The following KCNIP1 variants were observed in gnomAD, a reference collection of about 807,000 sequenced individuals.
KCNIP1 encodes A-type potassium channel modulatory protein KCNIP1.
In KCNIP1, 18 loss-of-function variants were observed where a neutral mutation model predicts 33.0. The ratio of observed to expected loss-of-function variants is 0.55; its 90% CI spans 0.38 to 0.81. The LOEUF (loss-of-function observed/expected upper bound fraction) is 0.81. Among genes scored for constraint, KCNIP1 ranks in the 30% least tolerant of loss-of-function variants. The pLI is 0.00. For synonymous variants in KCNIP1, 93 were observed against 98.3 expected (o/e 0.95, Z 0.32); for missense variants, 238 against 271.6 (o/e 0.88, Z 0.87).
chr5:170,461,271 A>T (rs534752544), intron 1 of KCNIP1, among the ~76,000 whole-genome samples: 2 of 152,290 alleles, frequency 1.3e-5, no homozygotes, highest in East Asian at 3.9e-4. Flanking sequence ...ATTCCATCAA[A>T]ATACTACTAT....
chr5:170,490,419 G>GTGGTGTT (rs1303595109), intron 1 of KCNIP1, among the ~76,000 whole-genome samples: 2 of 152,198 alleles, frequency 1.3e-5, no homozygotes. Context: ...TATCTTGACT[G>GTGGTGTT]TGGTGTTTAC....
intron 1 of KCNIP1, among the ~76,000 whole-genome samples, chr5:170,701,368 G>A (rs562865861): frequency 6.0e-4 from 91 of 152,316 alleles, no homozygotes; most frequent in African/African-American, 2.0e-3. Flanking sequence ...ATCTCACAGT[G>A]AGAAATTCAG....
chr5:170,462,574 AT>A (rs1417823771), intron 1 of KCNIP1, among the ~76,000 whole-genome samples: 1 of 152,198 alleles, frequency 6.6e-6, no homozygotes, highest in Admixed American at 6.5e-5. Flanking sequence ...CAGTGTGGAG[AT>A]TCCTTAAAGT....
At chr5:170,586,397 G>A (rs1270176932) in intron 1 of KCNIP1, among the ~76,000 whole-genome samples, 1 of 152,164 alleles carries the variant, frequency 6.6e-6, no homozygotes, top group Admixed American at 6.5e-5. Context: ...CAGAGGAGGG[G>A]GAGAAGATTA....
Position 170,538,278 on chromosome 5 carries a change from C to T in KCNIP1, c.61+33645C>T, listed in dbSNP as rs149061914. ...ACAACTGCTCTGAGGCACATGCCAT[C>T]GGAAAGCTGGGCTAATAATTAAACA... is the stretch of plus-strand genomic sequence containing the variant. On this transcript the variant is annotated intron_variant, in intron 1 of 7. Coordinates refer to ENST00000328939, the MANE Select transcript of KCNIP1 (RefSeq NM_014592.4). 5.9e-3 allele frequency among the ~76,000 whole-genome samples: 901 copies of T among 152,292 alleles called. 13 individuals carry two copies. The highest frequency in any genetic ancestry group is 0.02 in the African/African-American group (838 of 41,542).
intron 1 of KCNIP1, chr5:170,680,404 T>C (rs1423868395): frequency 6.6e-6 from 1 of 152,274 alleles, no homozygotes; most frequent in Non-Finnish European, 1.5e-5. Context: ...GCTCACTCAG[T>C]GCTGCCCAGT....
chr5:170,400,137 C>T (rs933971997), intron 1 of KCNIP1, among the ~76,000 whole-genome samples: 4 of 152,166 alleles, frequency 2.6e-5, no homozygotes, highest in African/African-American at 9.7e-5. Flanking sequence ...AGCCAGGAGT[C>T]CATGCTTCCT....
chr5:170,358,649 T>C (rs1201791969), intron 1 of KCNIP1, among the ~76,000 whole-genome samples: 2 of 152,202 alleles, frequency 1.3e-5, no homozygotes. Context: ...GAGTAAGAGA[T>C]ATCAGCTCAC....
chr5:170,413,078 T>C (rs1446827270), intron 1 of KCNIP1, among the ~76,000 whole-genome samples: 2 of 152,086 alleles, frequency 1.3e-5, no homozygotes, highest in Non-Finnish European at 1.5e-5. Context: ...TGAAGATCTG[T>C]TGAATGAGTG....
At chr5:170,575,359 T>A (rs1581346952) in intron 1 of KCNIP1, among the ~76,000 whole-genome samples, 1 of 152,230 alleles carries the variant, frequency 6.6e-6, no homozygotes, top group Non-Finnish European at 1.5e-5. Context: ...GTTACTTAAG[T>A]TTAAGCAGGA....
At chr5:170,429,478 T>G (rs1021225303) in intron 1 of KCNIP1, among the ~76,000 whole-genome samples, 4 of 152,192 alleles carry the variant, frequency 2.6e-5, no homozygotes, top group Admixed American at 2.6e-4. Flanking sequence ...ATTCTTGTTG[T>G]ACAAATTTAT....
At chr5:170,595,061 A>T (rs1758397210) in intron 1 of KCNIP1, among the ~76,000 whole-genome samples, 1 of 152,156 alleles carries the variant, frequency 6.6e-6, no homozygotes, top group Non-Finnish European at 1.5e-5. Flanking sequence ...TGTGGCAGGT[A>T]TAAGAGTCAA....
intron 1 of KCNIP1, among the ~76,000 whole-genome samples, chr5:170,362,198 C>T (rs562922675): frequency 7.9e-5 from 12 of 152,254 alleles, no homozygotes; most frequent in African/African-American, 2.2e-4. Context: ...GAGCTTCAGA[C>T]GGGGGACCGG....
rs758040560 is a variant in KCNIP1, at chr5:170,385,285, G to A, written c.88+31321G>A. 23 of 1,613,618 alleles carry A rather than the reference G, an allele frequency of 1.4e-5. No individual in the cohort carries two copies. The South Asian group carries it at 2.4e-4, about 17-fold the overall frequency. On this transcript the variant is annotated intron_variant, in intron 1 of 7. Coordinates refer to the KCNIP1 transcript ENST00000377360. ...TGCCAGACCCTTAGGAGAGGGTTGG[G>A]GGGTGGGCAGGCCGGGAGAGCTCAG...
chr5:170,725,794 T>C (rs1763985629), intron 5 of KCNIP1, among the ~76,000 whole-genome samples: 1 of 152,132 alleles, frequency 6.6e-6, no homozygotes, highest in Non-Finnish European at 1.5e-5. Flanking sequence ...ACACCTACTA[T>C]GTGCCCACAA....
At chr5:170,361,465 C>T (rs1763511235) in intron 1 of KCNIP1, among the ~76,000 whole-genome samples, 1 of 152,162 alleles carries the variant, frequency 6.6e-6, no homozygotes, top group South Asian at 2.1e-4. Flanking sequence ...TAACCTTGGT[C>T]CCCTCTGGCT....
At chr5:170,387,497 C>T (rs1156481444) in intron 1 of KCNIP1, among the ~76,000 whole-genome samples, 1 of 152,174 alleles carries the variant, frequency 6.6e-6, no homozygotes, top group Admixed American at 6.5e-5. Context: ...TCACACCTTC[C>T]CAGTGAGCTG....
intron 1 of KCNIP1, among the ~76,000 whole-genome samples, chr5:170,460,940 T>C (rs1430259189): frequency 6.6e-6 from 1 of 152,176 alleles, no homozygotes; most frequent in Non-Finnish European, 1.5e-5. Flanking sequence ...CTAGAACTGA[T>C]CAAAGAATTC....
At chr5:170,462,444 T>C (rs1756526416) in intron 1 of KCNIP1, among the ~76,000 whole-genome samples, 1 of 152,080 alleles carries the variant, frequency 6.6e-6, no homozygotes, top group Non-Finnish European at 1.5e-5. Context: ...ACCTCACTCT[T>C]GCAAGGATGG....
Sources: gnomAD v4.1 joint callset for allele counts (sites outside exome capture counted in the v4.1 genomes callset) on GRCh38, gnomAD v4.1.1 for gene constraint, MANE v1.5 for transcripts, NCBI Gene and HGNC (gene_info 2026-07-23, HGNC 2026-07-21) for gene names.